PRPSAP2: variants seen among roughly 807,000 people sequenced by gnomAD.
The protein encoded by PRPSAP2 is phosphoribosyl pyrophosphate synthetase associated protein 2.
PRPSAP2 carries 24 observed loss-of-function variants against 40.6 expected under a neutral mutation model. The observed-to-expected ratio is 0.59, with a 90% CI of 0.43 to 0.83. The LOEUF is 0.83. Among genes scored for constraint, PRPSAP2 ranks in the 40% least tolerant of loss-of-function variants. The probability of loss-of-function intolerance (pLI) is 0.00; values close to 1 mark genes in which losing one functional copy is unlikely to be tolerated. For missense variants in PRPSAP2, 292 were observed against 465.6 expected, an observed-to-expected ratio of 0.63 and a Z score of 3.43; for synonymous variants, 149 against 164.7, an observed-to-expected ratio of 0.90 and a Z score of 0.73.
chr17:18,930,232 G>A (rs1345959050), intron 11 of PRPSAP2, among the ~76,000 whole-genome samples: 1 of 152,122 alleles, frequency 6.6e-6, no homozygotes, highest in Non-Finnish European at 1.5e-5. Context: ...AATTACTTGA[G>A]CGTGGTGGCG....
At chr17:18,910,602 TA>T (rs1357386167) in intron 8 of PRPSAP2, among the ~76,000 whole-genome samples, 1 of 152,204 alleles carries the variant, frequency 6.6e-6, no homozygotes, top group Non-Finnish European at 1.5e-5. Flanking sequence ...TTGATTGTGC[TA>T]ATGCTTATAT....
At chr17:18,927,785 A>G (rs368799261) in intron 10 of PRPSAP2, among the ~76,000 whole-genome samples, 1 of 151,744 alleles carries the variant, frequency 6.6e-6, no homozygotes, top group African/African-American at 2.4e-5. Flanking sequence ...GTGTGTGTGT[A>G]TGTATTTTTT....
At chr17:18,897,453 G>GTGTTGTTGTTGTTGT (rs11271940) in intron 8 of PRPSAP2, among the ~76,000 whole-genome samples, 556 of 150,596 alleles carry the variant, frequency 3.7e-3, no homozygotes, top group African/African-American at 0.011. Context: ...CTCTATAGTG[G>GTGTTGTTGTTGTTGT]TGTTGTTGTT....
intron 3 of PRPSAP2, among the ~76,000 whole-genome samples, chr17:18,866,999 C>A (rs2037479960): frequency 6.6e-6 from 1 of 151,872 alleles, no homozygotes. Flanking sequence ...AGGAGGAGTT[C>A]TTGGTGTGTC....
At chr17:18,883,731 T>C (rs2038933604) in intron 7 of PRPSAP2, among the ~76,000 whole-genome samples, 1 of 152,114 alleles carries the variant, frequency 6.6e-6, no homozygotes, top group Non-Finnish European at 1.5e-5. Flanking sequence ...TAATAACTTT[T>C]CTAGATAACT....
At chr17:18,885,745 A>G (rs1199148950) in intron 7 of PRPSAP2, among the ~76,000 whole-genome samples, 1 of 151,696 alleles carries the variant, frequency 6.6e-6, no homozygotes, top group Non-Finnish European at 1.5e-5. Flanking sequence ...GTGCCACCAC[A>G]CCCGGCTAAT....
intron 4 of PRPSAP2, among the ~76,000 whole-genome samples, chr17:18,870,620 G>C (rs888509728): frequency 6.6e-6 from 1 of 151,862 alleles, no homozygotes; most frequent in African/African-American, 2.4e-5. Flanking sequence ...ACCAACCTGG[G>C]CAACATGGCA....
At chr17:18,892,433 T>A (rs1163072801) in intron 8 of PRPSAP2, among the ~76,000 whole-genome samples, 1 of 152,098 alleles carries the variant, frequency 6.6e-6, no homozygotes, top group Non-Finnish European at 1.5e-5. Flanking sequence ...CTGCCCATTT[T>A]ACATTCCCAC....
intron 6 of PRPSAP2, 86 bp from the exon 7 acceptor site, chr17:18,882,482 G>A (rs995278774): frequency 2.1e-5 from 18 of 858,090 alleles, no homozygotes; most frequent in Non-Finnish European, 3.2e-5. Flanking sequence ...CTGCACTCCA[G>A]CCTGGGTGAC....
At chr17:18,869,341 C>CTTTTTTTTTTTTTTT (rs545524445) in intron 4 of PRPSAP2, among the ~76,000 whole-genome samples, 1 of 140,372 alleles carries the variant, frequency 7.1e-6, no homozygotes, top group Non-Finnish European at 1.5e-5. Flanking sequence ...CTTTTCTTTT[C>CTTTTTTTTTTTTTTT]TTTTTTTTTT....
Position 18,901,419 on chromosome 17 carries a change from A to G in PRPSAP2, c.585-9684A>G, listed in dbSNP as rs1012877781. On this transcript the variant is annotated intron_variant, in intron 8 of 11. Coordinates refer to ENST00000268835, the MANE Select transcript of PRPSAP2 (RefSeq NM_002767.4). ...TTTTGAGACGGAATCTCGCTCTGTC[A>G]CCCAGGCTGGAGTGCAGTGGCACGA... is the stretch of plus-strand genomic sequence containing the variant. Among the ~76,000 whole-genome samples, 8 of 151,964 alleles carry G rather than the reference A, an allele frequency of 5.3e-5. No individual in the cohort carries two copies. In the South Asian group the frequency reaches 8.3e-4, roughly 16 times the overall value.
intron 8 of PRPSAP2, among the ~76,000 whole-genome samples, chr17:18,899,283 A>T (rs1297403922): frequency 6.6e-6 from 1 of 151,778 alleles, no homozygotes; most frequent in East Asian, 1.9e-4. Context: ...AGTGGGTCTC[A>T]CTATGTTACT....
At chr17:18,907,024 TGTATCTA>T (rs2040637580) in intron 8 of PRPSAP2, among the ~76,000 whole-genome samples, 1 of 151,990 alleles carries the variant, frequency 6.6e-6, no homozygotes, top group South Asian at 2.1e-4. Context: ...ATGCCTTGGC[TGTATCTA>T]GTATAGATAG....
intron 1 of PRPSAP2, among the ~76,000 whole-genome samples, chr17:18,859,187 C>T (rs1267582443): frequency 6.6e-6 from 1 of 152,154 alleles, no homozygotes; most frequent in Non-Finnish European, 1.5e-5. Context: ...TTCCTTATTT[C>T]CTTGGGATAA....
chr17:18,877,012 G>A (rs2038349706), intron 5 of PRPSAP2, among the ~76,000 whole-genome samples: 1 of 152,070 alleles, frequency 6.6e-6, no homozygotes, highest in Admixed American at 6.6e-5. Context: ...AGGACGAGAG[G>A]GAACAGAAAG....
At chr17:18,903,408 C>T (rs1312946262) in intron 8 of PRPSAP2, among the ~76,000 whole-genome samples, 1 of 148,150 alleles carries the variant, frequency 6.7e-6, no homozygotes, top group East Asian at 2.0e-4. Flanking sequence ...ATAACACAGT[C>T]AAGGCTTAGG....
At chr17:18,926,250 T>TATTTATTC (rs2041963009) in intron 10 of PRPSAP2, among the ~76,000 whole-genome samples, 1 of 148,458 alleles carries the variant, frequency 6.7e-6, no homozygotes, top group Non-Finnish European at 1.5e-5. Context: ...TTTATTTATT[T>TATTTATTC]ATTTATTTAT....
intron 9 of PRPSAP2, chr17:18,917,489 C>T (rs533047130): frequency 4.2e-5 from 6 of 143,072 alleles, no homozygotes; most frequent in East Asian, 4.0e-4. Context: ...CAGGTTCAGG[C>T]GATTCTCCTG....
intron 1 of PRPSAP2, among the ~76,000 whole-genome samples, chr17:18,861,235 C>T (rs188301481): frequency 5.9e-4 from 90 of 152,202 alleles, no homozygotes; most frequent in Middle Eastern, 3.4e-3. Flanking sequence ...GAGGCTGAGG[C>T]GGGTGGATTA....
Sources: gnomAD v4.1 joint callset for allele counts (sites outside exome capture counted in the v4.1 genomes callset) on GRCh38, gnomAD v4.1.1 for gene constraint, MANE v1.5 for transcripts, NCBI Gene and HGNC (gene_info 2026-07-23, HGNC 2026-07-21) for gene names.